CD53: variants seen among roughly 807,000 people sequenced by gnomAD.
CD53 encodes leukocyte surface antigen CD53.
A neutral mutation model predicts 27.3 loss-of-function variants in CD53; 20 were observed. The observed-to-expected ratio is 0.73, with a 90% CI of 0.52 to 1.07. CD53 has a LOEUF of 1.07. CD53 is among the 50% of genes least tolerant of loss of function. The pLI is 0.00. For missense variants in CD53, 216 were observed against 264.0 expected, an observed-to-expected ratio of 0.82 and a Z score of 1.26; for synonymous variants, 106 against 105.3, an observed-to-expected ratio of 1.01 and a Z score of -0.04.
chr1:110,896,608 C>T lies in CD53; in HGVS notation c.424-45C>T, dbSNP rs777828194. 3.8e-6 allele frequency: 6 copies of T among 1,572,518 alleles called. No homozygotes were observed. In the Admixed American group the frequency reaches 1.0e-4, roughly 27 times the overall value. ...CTCTAAGGTCCACAGCTTTTTTTCACTGTTGACTTTCTAACCATCATCATT... is the reference window on the plus strand; with the variant it reads ...CTCTAAGGTCCACAGCTTTTTTTCATTGTTGACTTTCTAACCATCATCATT... On this transcript the variant is annotated intron_variant, in intron 5 of 7. Transcript: ENST00000271324.
At chr1:110,883,494 ATTGGCCCGTGG>A (rs749777652) in intron 1 of CD53, among the ~76,000 whole-genome samples, 3 of 151,946 alleles carry the variant, frequency 2.0e-5, no homozygotes, top group Non-Finnish European at 4.4e-5. Context: ...TCTGAGGAAC[ATTGGCCCGTGG>A]TTTTATTTCT....
intron 1 of CD53, among the ~76,000 whole-genome samples, chr1:110,886,735 C>G (rs541427039): frequency 3.3e-5 from 5 of 151,450 alleles, no homozygotes; most frequent in African/African-American, 1.2e-4. Context: ...GTGGTCCCAG[C>G]TACTCGGGAG....
chr1:110,876,087 A>G (rs914005417), intron 1 of CD53, among the ~76,000 whole-genome samples: 1 of 152,222 alleles, frequency 6.6e-6, no homozygotes, highest in Admixed American at 6.5e-5. Flanking sequence ...AAGAATTAGA[A>G]TATTGGTACT....
intron 1 of CD53, among the ~76,000 whole-genome samples, chr1:110,881,915 T>A (rs1186507629): frequency 3.3e-5 from 5 of 152,236 alleles, no homozygotes; most frequent in African/African-American, 1.2e-4. Flanking sequence ...TAGTATCTTC[T>A]TTGGTGAATT....
At chr1:110,877,270 G>T (rs1208799560) in intron 1 of CD53, among the ~76,000 whole-genome samples, 2 of 152,066 alleles carry the variant, frequency 1.3e-5, no homozygotes, top group East Asian at 1.9e-4. Flanking sequence ...TTAGATTCAG[G>T]TTATTTAAAT....
At chr1:110,874,289 C>A (rs1253753528) in intron 1 of CD53, among the ~76,000 whole-genome samples, 1 of 152,182 alleles carries the variant, frequency 6.6e-6, no homozygotes, top group African/African-American at 2.4e-5. Context: ...GTTTATTGAG[C>A]CTTGTATTAA....
intron 1 of CD53, among the ~76,000 whole-genome samples, chr1:110,880,609 C>A (rs72988743): frequency 2.0e-5 from 3 of 152,248 alleles, no homozygotes; most frequent in African/African-American, 7.2e-5. Context: ...TAGTTATTTT[C>A]CTATGTCCAA....
At chr1:110,888,782 T>C (rs1473101043) in intron 1 of CD53, among the ~76,000 whole-genome samples, 3 of 152,362 alleles carry the variant, frequency 2.0e-5, no homozygotes, top group South Asian at 2.1e-4. Context: ...TTTACACTTA[T>C]AGCACATAGT....
intron 1 of CD53, among the ~76,000 whole-genome samples, chr1:110,886,869 A>ATATATATATATATATATTTTTTT (rs1298376721): frequency 6.8e-4 from 56 of 82,758 alleles, no homozygotes; most frequent in Non-Finnish European, 1.0e-3. Context: ...ATATATATAT[A>ATATATATATATATATATTTTTTT]TTTTTTTTTT....
intron 1 of CD53, among the ~76,000 whole-genome samples, chr1:110,885,271 G>GC (rs1656530254): frequency 6.6e-6 from 1 of 152,114 alleles, no homozygotes; most frequent in African/African-American, 2.4e-5. Context: ...AGAGATTTGG[G>GC]CAGGCGCGGT....
intron 3 of CD53, chr1:110,892,881 A>T (rs1656912408): frequency 4.9e-6 from 1 of 203,146 alleles, no homozygotes; most frequent in African/African-American, 2.4e-5. Flanking sequence ...GCTAGCTATT[A>T]TTATGTACTT....
chr1:110,886,185 T>G (rs1276643375), intron 1 of CD53, among the ~76,000 whole-genome samples: 1 of 152,146 alleles, frequency 6.6e-6, no homozygotes, highest in Non-Finnish European at 1.5e-5. Context: ...CTCCACTTTC[T>G]TCCAGCTTGC....
At chr1:110,886,869 A>ATATATATATATATATATATTTTTTT (rs1298376721) in intron 1 of CD53, among the ~76,000 whole-genome samples, 5 of 82,786 alleles carry the variant, frequency 6.0e-5, no homozygotes, top group Non-Finnish European at 1.1e-4. Flanking sequence ...ATATATATAT[A>ATATATATATATATATATATTTTTTT]TTTTTTTTTT....
intron 1 of CD53, among the ~76,000 whole-genome samples, chr1:110,883,379 C>T (rs1307959845): frequency 2.6e-5 from 4 of 151,856 alleles, no homozygotes; most frequent in African/African-American, 9.7e-5. Flanking sequence ...GTTAAAATAA[C>T]CTTGCATTCC....
intron 6 of CD53, 166 bp from the exon 7 acceptor site, chr1:110,897,643 C>T: frequency 4.2e-6 from 2 of 475,088 alleles, no homozygotes; most frequent in Non-Finnish European, 7.6e-6. Flanking sequence ...TTAATATTTC[C>T]CACCTTATGC....
intron 1 of CD53, among the ~76,000 whole-genome samples, chr1:110,889,730 G>GAAGA (rs1460674662): frequency 3.3e-5 from 5 of 152,080 alleles, no homozygotes; most frequent in Non-Finnish European, 5.9e-5. Flanking sequence ...ATTGTGACTG[G>GAAGA]AACTGTTAAG....
intron 1 of CD53, among the ~76,000 whole-genome samples, chr1:110,889,035 G>C (rs939268950): frequency 2.6e-5 from 4 of 152,158 alleles, no homozygotes; most frequent in African/African-American, 4.8e-5. Flanking sequence ...GATGTAGCTT[G>C]TGCAAAGGGC....
At chr1:110,877,905 A>G (rs919142776) in intron 1 of CD53, among the ~76,000 whole-genome samples, 2 of 152,230 alleles carry the variant, frequency 1.3e-5, no homozygotes, top group Non-Finnish European at 2.9e-5. Context: ...CACTGCTCAC[A>G]GGAGTTCAAA....
At chr1:110,898,723 T>C (rs932428248) in intron 7 of CD53, among the ~76,000 whole-genome samples, 14 of 152,146 alleles carry the variant, frequency 9.2e-5, no homozygotes, top group African/African-American at 3.4e-4. Flanking sequence ...GTTGGGTATA[T>C]CATAGATTAG....
Sources: allele counts gnomAD v4.1 joint callset (sites outside exome capture counted in the v4.1 genomes callset), GRCh38; gene constraint gnomAD v4.1.1; transcripts MANE v1.5; gene names NCBI Gene and HGNC (gene_info 2026-07-23, HGNC 2026-07-21).